The following ZFHX3 variants were observed in gnomAD, a reference collection of about 807,000 sequenced individuals.
ZFHX3 encodes zinc finger homeobox protein 3.
ZFHX3 carries 42 observed loss-of-function variants against 279.1 expected under a neutral mutation model. The ratio of observed to expected loss-of-function variants is 0.15; its 90% CI spans 0.12 to 0.19. The LOEUF (loss-of-function observed/expected upper bound fraction) is 0.19, where lower values mean the gene tolerates loss of function less well. Ranked by LOEUF, ZFHX3 falls within the 10% of genes least tolerant of loss-of-function variation. ZFHX3 has a pLI of 1.00. For missense variants in ZFHX3, 4,981 were observed against 4,754.0 expected (o/e 1.05, Z -1.40); for synonymous variants, 2,293 against 1,957.8 (o/e 1.17, Z -4.52).
At chr16:73,509,714 G>C (rs539765166) in intron 2 of ZFHX3, among the ~76,000 whole-genome samples, 1 of 107,818 alleles carries the variant, frequency 9.3e-6, no homozygotes, top group East Asian at 2.6e-4. Flanking sequence ...TTTTTCTTTT[G>C]AGACAGGGTC....
chr16:73,090,613 G>A (rs529277570), intron 8 of ZFHX3, among the ~76,000 whole-genome samples: 8 of 150,856 alleles, frequency 5.3e-5, no homozygotes, highest in South Asian at 4.2e-4. Flanking sequence ...AGGGTGGGGC[G>A]TGGTGGTTCA....
rs368754895 is a variant in ZFHX3 at position 72,788,060 on chromosome 16, C to T, written c.10216G>A (p.Gly3406Arg). The T allele has an allele frequency of 5.8e-5, 94 of 1,610,558 alleles. No individual in the cohort carries two copies. The South Asian group carries it at 6.4e-4, about 11-fold the overall frequency. ...PKASQTPVPP[G>R]APSPDKDPAK... The stretch of plus-strand genomic sequence containing the variant: ...GGGTCTTTGTCTGGGGAAGGAGCCC[C>T]GGGGGGGACTGGGGTTTGGCTTGCT... Residue 3406 changes from glycine (G) to arginine (R), a missense_variant, in exon 10 of 10, where the codon GGG (glycine) becomes AGG (arginine). Physicochemically the swap from Gly to Arg is moderately radical, Grantham distance 125. This residue lies in a region of ZFHX3 where 1,034 missense variants were observed against 786.0 expected (regional missense o/e 1.32). Coordinates refer to ENST00000268489, the MANE Select transcript of ZFHX3 (RefSeq NM_006885.4).
At chr16:73,298,842 C>T (rs1451711167) in intron 4 of ZFHX3, among the ~76,000 whole-genome samples, 1 of 152,164 alleles carries the variant, frequency 6.6e-6, no homozygotes, top group Non-Finnish European at 1.5e-5. Flanking sequence ...GATAGTGATG[C>T]CTGACGTAAG....
chr16:73,354,133 C>T (rs2016294830), intron 3 of ZFHX3, among the ~76,000 whole-genome samples: 1 of 152,084 alleles, frequency 6.6e-6, no homozygotes, highest in African/African-American at 2.4e-5. Flanking sequence ...CAAAGAAACC[C>T]CAGATCATCT....
chr16:73,095,825 A>T (rs1218422722), intron 7 of ZFHX3, among the ~76,000 whole-genome samples: 2 of 152,230 alleles, frequency 1.3e-5, no homozygotes. Flanking sequence ...ATTTGAAAGA[A>T]GGCGGTGGGT....
chr16:72,965,168 C>T (rs925351497), intron 1 of ZFHX3, among the ~76,000 whole-genome samples: 1 of 152,188 alleles, frequency 6.6e-6, no homozygotes, highest in Admixed American at 6.5e-5. Context: ...CGTGAGCCAC[C>T]GCACCTGGCC....
intron 3 of ZFHX3, among the ~76,000 whole-genome samples, chr16:73,352,470 C>CTTTTTTTTT (rs2016262860): frequency 8.0e-6 from 1 of 124,392 alleles, no homozygotes; most frequent in African/African-American, 4.0e-5. Flanking sequence ...CTCTCTCTCT[C>CTTTTTTTTT]TCTCTTTTTT....
Position 72,957,966 on chromosome 16 carries a change from C to A in ZFHX3, c.2180G>T (p.Arg727Leu). 6.2e-7 allele frequency: 1 copy of A among 1,614,102 alleles called. No individual in the cohort carries two copies. Among genetic ancestry groups the A allele is most frequent in the Non-Finnish European group, 8.5e-7 (1 of 1,180,048 alleles). ...TGTGGAGTAGTTACACACCTCGCAGCGGAAAGGCTTGTAACCACACGTGTA... is the reference window on the plus strand; with the variant it reads ...TGTGGAGTAGTTACACACCTCGCAGAGGAAAGGCTTGTAACCACACGTGTA... ...ESYTCGYKPF[R>L]CEVCNYSTTT... The change falls in exon 2 of 10, where the codon CGC becomes CTC. Residue 727 changes from arginine to leucine, a missense_variant. This residue lies in a region of ZFHX3 where 39 missense variants were observed against 68.2 expected (regional missense o/e 0.57). Coordinates refer to ENST00000268489, the MANE Select transcript of ZFHX3 (RefSeq NM_006885.4).
chr16:72,903,934 T>TC (rs1251384324), intron 3 of ZFHX3, among the ~76,000 whole-genome samples: 1 of 152,172 alleles, frequency 6.6e-6, no homozygotes, highest in African/African-American at 2.4e-5. Flanking sequence ...TCTGGGCCCT[T>TC]CAGCCCACTG....
chr16:73,324,942 A>G (rs1202051866), intron 3 of ZFHX3, among the ~76,000 whole-genome samples: 9 of 152,188 alleles, frequency 5.9e-5, no homozygotes, highest in African/African-American at 1.9e-4. Flanking sequence ...TCTTTTCTTG[A>G]TCACTTTTAT....
chr16:73,579,693 G>A (rs142481679), intron 2 of ZFHX3, among the ~76,000 whole-genome samples: 13,313 of 149,734 alleles, frequency 0.089, 822 homozygotes, highest in Non-Finnish European at 0.13. Context: ...TAGTAGAGAC[G>A]GGGTTTCACC....
intron 2 of ZFHX3, among the ~76,000 whole-genome samples, chr16:73,481,316 G>A (rs2018861146): frequency 6.8e-6 from 1 of 147,644 alleles, no homozygotes; most frequent in Non-Finnish European, 1.5e-5. Flanking sequence ...GCAACAGAGT[G>A]AGACTCCATC....
chr16:73,097,483 G>C (rs933612764), intron 7 of ZFHX3, among the ~76,000 whole-genome samples: 3 of 152,024 alleles, frequency 2.0e-5, no homozygotes, highest in Non-Finnish European at 4.4e-5. Flanking sequence ...TTTTCAACTG[G>C]ATTATCTGGT....
chr16:73,186,879 A>G (rs1967922896), intron 5 of ZFHX3, among the ~76,000 whole-genome samples: 1 of 152,182 alleles, frequency 6.6e-6, no homozygotes, highest in Non-Finnish European at 1.5e-5. Flanking sequence ...TGTTGGTTCA[A>G]TTAAGCCTAA....
intron 4 of ZFHX3, among the ~76,000 whole-genome samples, chr16:72,862,762 A>G (rs1459728284): frequency 6.6e-6 from 1 of 152,226 alleles, no homozygotes; most frequent in Non-Finnish European, 1.5e-5. Flanking sequence ...ATAATCATCA[A>G]AACATCCAAA....
At chr16:73,484,123 G>A (rs1049678597) in intron 2 of ZFHX3, among the ~76,000 whole-genome samples, 1 of 151,998 alleles carries the variant, frequency 6.6e-6, no homozygotes, top group African/African-American at 2.4e-5. Context: ...TAGGAAAGGC[G>A]CAGTTGTGCA....
At chr16:73,101,410 G>A (rs1006708290) in intron 7 of ZFHX3, among the ~76,000 whole-genome samples, 2 of 152,082 alleles carry the variant, frequency 1.3e-5, no homozygotes, top group African/African-American at 4.8e-5. Flanking sequence ...ATGGAGTCTT[G>A]CTCTGTCACC....
intron 4 of ZFHX3, among the ~76,000 whole-genome samples, chr16:72,882,895 C>T (rs772142516): frequency 2.6e-5 from 4 of 151,922 alleles, no homozygotes; most frequent in African/African-American, 7.3e-5. Context: ...AGAACAGACA[C>T]TGAAGTGCCA....
rs561107430 is a variant in ZFHX3 at position 73,404,991 on chromosome 16, G to A, written c.-1291+51012C>T. Among the ~76,000 whole-genome samples, 18 of 152,220 alleles carry A rather than the reference G, an allele frequency of 1.2e-4. No homozygotes were observed. The South Asian group carries it at 1.9e-3, about 16-fold the overall frequency. On this transcript the variant is annotated intron_variant, in intron 3 of 17. Transcript: ENST00000641206. The stretch of plus-strand genomic sequence containing the variant: ...ACATCATCCTTAGACCATTTGCAAC[G>A]GTCCAAGGTGGCAGAGAAATCACTT...
Sources: allele counts gnomAD v4.1 joint callset (sites outside exome capture counted in the v4.1 genomes callset), GRCh38; gene constraint gnomAD v4.1.1; regional missense constraint gnomAD v4.1.1; transcripts MANE v1.5; gene names NCBI Gene and HGNC (gene_info 2026-07-23, HGNC 2026-07-21).